Variants in RBPJ observed in about 807,000 individuals in gnomAD.
RBPJ encodes the protein recombining binding protein suppressor of hairless.
Under a neutral mutation model 67.8 loss-of-function variants are expected in RBPJ, and 9 were observed. That is an observed-to-expected ratio of 0.13 (90% CI 0.08 to 0.23). The LOEUF is 0.23. Ranked by LOEUF, RBPJ falls within the 10% of genes least tolerant of loss-of-function variation. The pLI is 1.00. For missense variants in RBPJ, 305 were observed against 595.6 expected, an observed-to-expected ratio of 0.51 and a Z score of 5.08; for synonymous variants, 198 against 203.3, an observed-to-expected ratio of 0.97 and a Z score of 0.22.
the RBPJ span, chr4:26,112,794 T>C: frequency 6.8e-6 from 1 of 146,854 alleles, no homozygotes; most frequent in Non-Finnish European, 1.5e-5. Context: ...AGTTTTGCTC[T>C]TGTTGCCCAG....
chr4:26,113,471 C>T, the RBPJ span: 1 of 552,352 alleles, frequency 1.8e-6, no homozygotes, highest in South Asian at 1.7e-5. Flanking sequence ...TCAGCAAACA[C>T]ACACAGGAGA....
In RBPJ at chr4:26,338,684, T is replaced by C. The variant is rs188564855; in HGVS notation, c.20+17636T>C. ...TCTGCCTCCCAGGTTTAAACAGTTC[T>C]CTGCCTCAGCCTCTTGAGTAGCTGG... On this transcript the variant is annotated intron_variant, in intron 1 of 10. Transcript: ENST00000355476. Among the ~76,000 whole-genome samples, 51 of 151,722 alleles carry C rather than the reference T, an allele frequency of 3.4e-4. No homozygotes were observed. In the South Asian group the frequency reaches 4.0e-3, roughly 12 times the overall value.
At chr4:26,131,056 G>T in the RBPJ span, among the ~76,000 whole-genome samples, 1 of 152,138 alleles carries the variant, frequency 6.6e-6, no homozygotes, top group African/African-American at 2.4e-5. Flanking sequence ...ATCTTTTTCT[G>T]CCATCCAAGC....
upstream of RBPJ, chr4:26,320,499 G>A (rs573485034): frequency 2.1e-6 from 1 of 471,802 alleles, no homozygotes; most frequent in Non-Finnish European, 3.8e-6. Flanking sequence ...GAGGCGCCCA[G>A]GGAACGTTTG....
chr4:26,413,143 G>T (rs1011931139), intron 3 of RBPJ, among the ~76,000 whole-genome samples: 28 of 152,218 alleles, frequency 1.8e-4, no homozygotes, highest in Admixed American at 1.3e-3. Flanking sequence ...TCCCCCTCTT[G>T]CTCTGTACTC....
At chr4:26,412,449 C>T (rs1241118716) in intron 3 of RBPJ, among the ~76,000 whole-genome samples, 1 of 152,172 alleles carries the variant, frequency 6.6e-6, no homozygotes, top group Non-Finnish European at 1.5e-5. Flanking sequence ...CCGGTCTGGT[C>T]TTGAACTCCT....
At chr4:26,302,511 A>G (rs1176961466) in intron 1 of RBPJ, among the ~76,000 whole-genome samples, 1 of 152,204 alleles carries the variant, frequency 6.6e-6, no homozygotes, top group Non-Finnish European at 1.5e-5. Flanking sequence ...TAACATCAGC[A>G]TGCTTATTAC....
At chr4:26,325,573 G>A (rs1251404630) in intron 1 of RBPJ, among the ~76,000 whole-genome samples, 1 of 152,166 alleles carries the variant, frequency 6.6e-6, no homozygotes, top group African/African-American at 2.4e-5. Context: ...AACTCAGAAA[G>A]TTGTTGTGAA....
At chr4:26,402,295 A>G (rs1732911843) in intron 2 of RBPJ, among the ~76,000 whole-genome samples, 1 of 152,170 alleles carries the variant, frequency 6.6e-6, no homozygotes, top group Non-Finnish European at 1.5e-5. Flanking sequence ...TCTGGTACCC[A>G]GCAGTTTGGT....
At chr4:26,237,939 C>G (rs1472704453) in intron 1 of RBPJ, among the ~76,000 whole-genome samples, 1 of 152,294 alleles carries the variant, frequency 6.6e-6, no homozygotes, top group South Asian at 2.1e-4. Context: ...TTTTGCACTC[C>G]TGGCCTCAAG....
chr4:26,177,732 G>C (rs546191042), intron 1 of RBPJ, among the ~76,000 whole-genome samples: 6 of 152,252 alleles, frequency 3.9e-5, no homozygotes, highest in African/African-American at 1.4e-4. Flanking sequence ...ATTTTCTGAT[G>C]ATCAGAGTAA....
At chr4:26,301,897 A>C (rs1221456614) in intron 1 of RBPJ, among the ~76,000 whole-genome samples, 2 of 151,932 alleles carry the variant, frequency 1.3e-5, no homozygotes, top group Admixed American at 1.3e-4. Flanking sequence ...GGTTCAAGTG[A>C]TTCTCCTGCT....
intron 1 of RBPJ, among the ~76,000 whole-genome samples, chr4:26,210,727 C>CCTTCTTTCTTTACTTCTTTACTTCTTTA (rs55806116): frequency 1.6e-5 from 1 of 61,776 alleles, no homozygotes; most frequent in Non-Finnish European, 3.3e-5. Context: ...TTCTTTCTTT[C>CCTTCTTTCTTTACTTCTTTACTTCTTTA]CTTCTTTACT....
intron 3 of RBPJ, among the ~76,000 whole-genome samples, chr4:26,414,585 G>GTGT (rs1210603023): frequency 6.6e-6 from 1 of 152,192 alleles, no homozygotes; most frequent in African/African-American, 2.4e-5. Context: ...GTTTTAAAGT[G>GTGT]TGTACAAGTC....
chr4:26,218,224 G>T (rs531224445), intron 1 of RBPJ, among the ~76,000 whole-genome samples: 1 of 152,296 alleles, frequency 6.6e-6, no homozygotes, highest in African/African-American at 2.4e-5. Context: ...AGCTGTCGCC[G>T]GTGGGTACGT....
At chr4:26,330,008 G>C (rs1724067736) in intron 1 of RBPJ, among the ~76,000 whole-genome samples, 1 of 152,156 alleles carries the variant, frequency 6.6e-6, no homozygotes. Context: ...GATGGGAGTG[G>C]GGTACACCCC....
intron 1 of RBPJ, among the ~76,000 whole-genome samples, chr4:26,330,236 A>G (rs988581351): frequency 6.6e-6 from 1 of 152,186 alleles, no homozygotes; most frequent in Non-Finnish European, 1.5e-5. Context: ...TCTGTAATTG[A>G]TTGTTTAATC....
chr4:26,335,343 G>A (rs981060017), intron 1 of RBPJ, among the ~76,000 whole-genome samples: 3 of 151,496 alleles, frequency 2.0e-5, no homozygotes, highest in South Asian at 2.1e-4. Flanking sequence ...CACCACGCCC[G>A]GCTGATTTTT....
chr4:26,270,385 G>GAAAGAAAGAAAGAA (rs1560237746), intron 1 of RBPJ, among the ~76,000 whole-genome samples: 1 of 53,682 alleles, frequency 1.9e-5, no homozygotes, highest in Non-Finnish European at 4.2e-5. Context: ...AAGAAAGAAA[G>GAAAGAAAGAAAGAA]AAAGAAAGAA....
Sources: allele counts gnomAD v4.1 joint callset (sites outside exome capture counted in the v4.1 genomes callset), GRCh38; gene constraint gnomAD v4.1.1; transcripts MANE v1.5; gene names NCBI Gene and HGNC (gene_info 2026-07-23, HGNC 2026-07-21).